Variants in ESR1 observed in about 807,000 individuals in gnomAD.
ESR1 encodes the protein estrogen receptor.
ESR1 carries 12 observed loss-of-function variants against 52.7 expected under a neutral mutation model. The ratio of observed to expected loss-of-function variants is 0.23; its 90% CI spans 0.15 to 0.37. The LOEUF is 0.37. Ranked by LOEUF, ESR1 falls within the 10% of genes least tolerant of loss-of-function variation. The probability of loss-of-function intolerance (pLI) is 1.00; values close to 1 mark genes in which losing one functional copy is unlikely to be tolerated. For missense variants in ESR1, 584 were observed against 779.7 expected, an observed-to-expected ratio of 0.75 and a Z score of 2.99; for synonymous variants, 305 against 316.8, an observed-to-expected ratio of 0.96 and a Z score of 0.39.
chr6:151,928,986 C>T (rs1199279688), intron 3 of ESR1, among the ~76,000 whole-genome samples: 1 of 152,086 alleles, frequency 6.6e-6, no homozygotes. Flanking sequence ...TGTGGTCTAT[C>T]TTGGTGCGTA....
chr6:151,990,148 A>C (rs1179976599), intron 4 of ESR1, among the ~76,000 whole-genome samples: 1 of 152,146 alleles, frequency 6.6e-6, no homozygotes, highest in East Asian at 1.9e-4. Flanking sequence ...TAATTTAAAC[A>C]TCTTCTGAAA....
chr6:152,036,122 GAGGCCAAGGC>G (rs1393846822), intron 5 of ESR1, among the ~76,000 whole-genome samples: 2 of 117,980 alleles, frequency 1.7e-5, no homozygotes, highest in South Asian at 3.1e-4. Flanking sequence ...GTAATCCCAG[GAGGCCAAGGC>G]AGGCAGATCA....
chr6:151,967,757 C>T (rs2038434665), intron 4 of ESR1, among the ~76,000 whole-genome samples: 1 of 152,142 alleles, frequency 6.6e-6, no homozygotes, highest in Non-Finnish European at 1.5e-5. Flanking sequence ...GAAGAATCAC[C>T]ACGCTGTCTT....
chr6:151,740,783 A>G (rs989115562), intron 2 of ESR1, among the ~76,000 whole-genome samples: 1 of 151,988 alleles, frequency 6.6e-6, no homozygotes, highest in Non-Finnish European at 1.5e-5. Context: ...TTGATTCTGA[A>G]AATTTCTTTT....
intron 4 of ESR1, among the ~76,000 whole-genome samples, chr6:151,971,853 G>T (rs2038946042): frequency 6.6e-6 from 1 of 151,948 alleles, no homozygotes; most frequent in African/African-American, 2.4e-5. Flanking sequence ...CAATAAAAAA[G>T]ATAAATGAAA....
At chr6:152,118,501 G>GA (rs2051235337) in intron 6 of ESR1, 1 of 150,732 alleles carries the variant, frequency 6.6e-6, no homozygotes, top group South Asian at 2.1e-4. Context: ...CACAGGAACA[G>GA]AAAACCAAAC....
chr6:151,682,046 C>T (rs887387850), intron 1 of ESR1, among the ~76,000 whole-genome samples: 2 of 152,238 alleles, frequency 1.3e-5, no homozygotes, highest in South Asian at 4.1e-4. Context: ...GGCCTATCAG[C>T]TGTCTGAGTC....
At chr6:151,775,476 G>C (rs1030246922) in intron 2 of ESR1, among the ~76,000 whole-genome samples, 1 of 152,110 alleles carries the variant, frequency 6.6e-6, no homozygotes, top group African/African-American at 2.4e-5. Flanking sequence ...GGCCAGGCGC[G>C]GTGGCTGACA....
chr6:152,091,629 A>C (rs1480203602), intron 6 of ESR1, among the ~76,000 whole-genome samples: 1 of 152,118 alleles, frequency 6.6e-6, no homozygotes, highest in African/African-American at 2.4e-5. Flanking sequence ...GCAGCCCAAG[A>C]AAAAAGTCAC....
intron 6 of ESR1, among the ~76,000 whole-genome samples, chr6:152,117,261 T>C (rs1311134767): frequency 6.6e-6 from 1 of 152,224 alleles, no homozygotes; most frequent in Non-Finnish European, 1.5e-5. Context: ...CTGGAATTGC[T>C]GTCGAAGTTG....
rs2250122 is a variant in ESR1, at chr6:152,122,333, G to T, written c.851-2933G>T. On this transcript the variant is annotated intron_variant, in intron 6 of 6. Coordinates refer to the ESR1 transcript ENST00000427531. ...AGGAGGGCTAAAGCTGCCACACCGAGGGCTTTCGCCAAGATCAAGGTCCTC... is the reference window on the plus strand; with the variant it reads ...AGGAGGGCTAAAGCTGCCACACCGATGGCTTTCGCCAAGATCAAGGTCCTC... The T allele has an allele frequency of 0.23, 373,858 of 1,594,380 alleles. 45,760 individuals carry two copies. Among genetic ancestry groups the T allele is most frequent in the South Asian group, 0.34 (30,860 of 90,002 alleles).
chr6:152,099,256 C>T lies in ESR1; in HGVS notation c.*290C>T, dbSNP rs772134088. 139 of 493,184 alleles carry T rather than the reference C, an allele frequency of 2.8e-4. No individual in the cohort carries two copies. The highest frequency in any genetic ancestry group is 7.5e-4 in the Admixed American group (23 of 30,790). 30.6% of individuals were successfully genotyped at this position (493,184 alleles called of 1,614,324 possible). A position where few individuals can be genotyped will look rare whatever the true frequency, so the allele number is the denominator to read the frequency against. ...TCCCGTAGCTCTTCACAGCTGAACTCAGTCTATGGGTTGGGGCTCAGATAA... is the reference window on the plus strand; with the variant it reads ...TCCCGTAGCTCTTCACAGCTGAACTTAGTCTATGGGTTGGGGCTCAGATAA... On this transcript the variant is annotated 3_prime_UTR_variant, in exon 8 of 8. Coordinates refer to ENST00000206249, the MANE Select transcript of ESR1 (RefSeq NM_000125.4).
chr6:151,935,717 A>G (rs2128497562), intron 3 of ESR1, among the ~76,000 whole-genome samples: 1 of 152,390 alleles, frequency 6.6e-6, no homozygotes, highest in South Asian at 2.1e-4. Context: ...TACACCAATT[A>G]GTTAATTCAT....
intron 4 of ESR1, among the ~76,000 whole-genome samples, chr6:152,005,360 C>A (rs1443451911): frequency 6.6e-6 from 1 of 151,822 alleles, no homozygotes; most frequent in Admixed American, 6.6e-5. Context: ...TCCAGGATGC[C>A]TTTTTATCCT....
chr6:151,978,015 C>G (rs573020009), intron 4 of ESR1, among the ~76,000 whole-genome samples: 1 of 142,266 alleles, frequency 7.0e-6, no homozygotes, highest in South Asian at 2.3e-4. Context: ...CAGACTCATA[C>G]CTACAAAACT....
chr6:151,840,645 G>C (rs867798911), intron 1 of ESR1, among the ~76,000 whole-genome samples: 1 of 152,180 alleles, frequency 6.6e-6, no homozygotes, highest in African/African-American at 2.4e-5. Flanking sequence ...GAAGGGGAGC[G>C]CCAGTGAAAG....
chr6:151,924,071 T>C (rs1008312905), intron 3 of ESR1, among the ~76,000 whole-genome samples: 4 of 152,188 alleles, frequency 2.6e-5, no homozygotes, highest in Admixed American at 1.3e-4. Flanking sequence ...TGAGATGGAG[T>C]CTCGCTCTGT....
intron 2 of ESR1, among the ~76,000 whole-genome samples, chr6:151,763,239 A>G (rs1349824359): frequency 6.7e-6 from 1 of 149,752 alleles, no homozygotes. Context: ...TTTTTTTTGC[A>G]TCCTTGTCAC....
intron 2 of ESR1, among the ~76,000 whole-genome samples, chr6:151,740,395 C>A (rs1783007932): frequency 6.6e-6 from 1 of 150,708 alleles, no homozygotes; most frequent in Non-Finnish European, 1.5e-5. Context: ...CTCGGCCTCC[C>A]AAAGTGCTGG....
Sources: allele counts gnomAD v4.1 joint callset (sites outside exome capture counted in the v4.1 genomes callset), GRCh38; gene constraint gnomAD v4.1.1; transcripts MANE v1.5; gene names NCBI Gene and HGNC (gene_info 2026-07-23, HGNC 2026-07-21).